Variants in KLRD1 observed in about 807,000 individuals in gnomAD.
KLRD1 encodes the protein killer cell lectin like receptor D1.
A neutral mutation model predicts 22.6 loss-of-function variants in KLRD1; 21 were observed. The observed-to-expected ratio is 0.93, with a 90% confidence interval of 0.66 to 1.34. The LOEUF (loss-of-function observed/expected upper bound fraction) is 1.34. Among genes scored for constraint, KLRD1 ranks in the 40% most tolerant of loss-of-function variants. The pLI, the probability that KLRD1 is intolerant of heterozygous loss-of-function variation, is 0.00. For missense variants in KLRD1, 183 were observed against 208.6 expected, an observed-to-expected ratio of 0.88 and a Z score of 0.76; for synonymous variants, 59 against 71.1, an observed-to-expected ratio of 0.83 and a Z score of 0.85.
At chr12:10,280,136 A>G (rs867029257) in intron 1 of KLRD1, among the ~76,000 whole-genome samples, 2 of 152,236 alleles carry the variant, frequency 1.3e-5, no homozygotes, top group African/African-American at 2.4e-5. Flanking sequence ...TTCCAGGGCT[A>G]GCAACACTGT....
chr12:10,243,564 AG>A (rs1949260380), intron 1 of KLRD1, among the ~76,000 whole-genome samples: 1 of 130,516 alleles, frequency 7.7e-6, no homozygotes, highest in Admixed American at 9.8e-5. Flanking sequence ...CAGTGAGCCA[AG>A]GTCACGCCAC....
At chr12:10,240,299 G>A (rs879703209) in intron 1 of KLRD1, among the ~76,000 whole-genome samples, 22 of 152,014 alleles carry the variant, frequency 1.4e-4, no homozygotes, top group African/African-American at 3.4e-4. Context: ...GAGCTCAAGC[G>A]ATCTGCCCGC....
intron 1 of KLRD1, among the ~76,000 whole-genome samples, chr12:10,287,937 G>T (rs1198903142): frequency 6.6e-6 from 1 of 151,914 alleles, no homozygotes; most frequent in Non-Finnish European, 1.5e-5. Context: ...GCGTGGTGGC[G>T]GGCGCCTGTA....
intron 1 of KLRD1, among the ~76,000 whole-genome samples, chr12:10,244,805 A>C (rs199586802): frequency 6.6e-6 from 1 of 151,636 alleles, no homozygotes; most frequent in Non-Finnish European, 1.5e-5. Context: ...AAACAAACAA[A>C]AAAAAAACCA....
intron 3 of KLRD1, 31 bp downstream of exon 3, chr12:10,309,719 T>A: frequency 6.8e-7 from 1 of 1,462,020 alleles, no homozygotes; most frequent in Non-Finnish European, 9.6e-7. Context: ...AACTTAGCAT[T>A]GGTAAAAGAT....
At position 10,277,934 on chromosome 12, in the gene KLRD1, A is replaced by G. The variant is rs183630198; in HGVS notation, c.-100-30044A>G. 2.2e-3 allele frequency among the ~76,000 whole-genome samples: 338 copies of G among 152,282 alleles called. 2 individuals are homozygous for G. The highest frequency in any genetic ancestry group is 7.8e-3 in the African/African-American group (325 of 41,542). ...GATTCCTTTCAGGTTAAATTTTGTG[A>G]AAGGTTTAAAGTCTGTGCACTATTT... On this transcript the variant is annotated intron_variant, in intron 1 of 5. Transcript: ENST00000544747.
At chr12:10,302,077 C>T (rs981803364), upstream of KLRD1, among the ~76,000 whole-genome samples, 4 of 152,090 alleles carry the variant, frequency 2.6e-5, no homozygotes, top group Admixed American at 1.3e-4. Context: ...AGGCACTGAT[C>T]ACAGATTGCC....
At chr12:10,259,181 C>CA (rs1210303763) in intron 1 of KLRD1, among the ~76,000 whole-genome samples, 9 of 152,204 alleles carry the variant, frequency 5.9e-5, no homozygotes, top group Non-Finnish European at 8.8e-5. Context: ...AGAATGCCCA[C>CA]AGCCTTCAGT....
intron 3 of KLRD1, among the ~76,000 whole-genome samples, 183 bp from the exon 4 acceptor site, chr12:10,311,281 A>G (rs1330311779): frequency 6.6e-6 from 1 of 152,238 alleles, no homozygotes; most frequent in Non-Finnish European, 1.5e-5. Flanking sequence ...TATAATCTCC[A>G]TGAGGAAAAA....
chr12:10,250,962 A>G (rs1949340914), intron 1 of KLRD1, among the ~76,000 whole-genome samples: 1 of 152,126 alleles, frequency 6.6e-6, no homozygotes, highest in African/African-American at 2.4e-5. Flanking sequence ...TTCATTTACC[A>G]TCATTATCAA....
chr12:10,306,638 T>C (rs1422409264), upstream of KLRD1, among the ~76,000 whole-genome samples: 3 of 152,148 alleles, frequency 2.0e-5, no homozygotes, highest in Non-Finnish European at 4.4e-5. Context: ...ACACTAAAAA[T>C]GAATAGATTT....
intron 1 of KLRD1, among the ~76,000 whole-genome samples, chr12:10,240,261 A>G (rs1273512242): frequency 1.3e-5 from 2 of 151,816 alleles, no homozygotes; most frequent in East Asian, 1.9e-4. Flanking sequence ...GGGTTTTGCC[A>G]TGTTGCCCAG....
At chr12:10,282,082 A>G (rs542441606) in intron 1 of KLRD1, among the ~76,000 whole-genome samples, 8 of 151,034 alleles carry the variant, frequency 5.3e-5, no homozygotes, top group Non-Finnish European at 7.4e-5. Flanking sequence ...GAATTTGAGA[A>G]TAAAGTACTC....
intron 1 of KLRD1, among the ~76,000 whole-genome samples, chr12:10,284,167 CAA>C (rs964526278): frequency 3.3e-5 from 5 of 151,974 alleles, no homozygotes; most frequent in African/African-American, 1.2e-4. Flanking sequence ...GCCTGGGTGA[CAA>C]GAGTAAAACT....
In KLRD1 at chr12:10,324,802, GTA is replaced by G. The variant is rs1242324764; in HGVS notation, c.*10013_*10014del. 5.6e-5 allele frequency: 3 copies of G among 53,692 alleles called. No individual in the cohort carries two copies. In the East Asian group the frequency reaches 1.7e-3, roughly 30 times the overall value. 3.3% of individuals were successfully genotyped at this position (53,692 alleles called of 1,614,324 possible). ...TTATTTTAAAATTGTAAGTATATAT[GTA>G]TATGTGTGTGTGTGTATATATATAT... On this transcript the variant is annotated 3_prime_UTR_variant, in exon 6 of 6. Coordinates refer to ENST00000336164, the MANE Select transcript of KLRD1 (RefSeq NM_002262.5).
At chr12:10,248,477 A>G (rs569362497) in intron 1 of KLRD1, among the ~76,000 whole-genome samples, 3 of 151,400 alleles carry the variant, frequency 2.0e-5, no homozygotes, top group Non-Finnish European at 4.4e-5. Flanking sequence ...TTAATATTTT[A>G]TTTTTATGTT....
intron 1 of KLRD1, among the ~76,000 whole-genome samples, chr12:10,290,845 A>G (rs1271865592): frequency 6.6e-6 from 1 of 152,226 alleles, no homozygotes; most frequent in African/African-American, 2.4e-5. Context: ...ATATATATAC[A>G]CAAATACACA....
In KLRD1 at chr12:10,313,480, T is replaced by A; in HGVS notation, c.386T>A (p.Leu129Ter). Reference sequence around the variant, plus strand: ...TACAGTGAGGAGCACACCGCCTGGTTGTGGGAGAATGGCTCTGCACTCTCC... The same window carrying A: ...TACAGTGAGGAGCACACCGCCTGGTAGTGGGAGAATGGCTCTGCACTCTCC... ...LSYSEEHTAW[L>*]WENGSALSQY... Residue 129 changes from leucine (L) to a stop codon, truncating the protein, a stop_gained, in exon 5 of 6, where the codon TTG becomes TAG. Transcript: ENST00000336164. LOFTEE classifies it low-confidence loss of function (END_TRUNC). The A allele has an allele frequency of 6.2e-7, 1 of 1,608,666 alleles. No homozygotes were observed. The highest frequency in any genetic ancestry group is 8.5e-7 in the Non-Finnish European group (1 of 1,177,006).
intron 1 of KLRD1, among the ~76,000 whole-genome samples, chr12:10,260,971 A>AAG (rs1381897624): frequency 2.2e-5 from 1 of 45,192 alleles, no homozygotes; most frequent in Non-Finnish European, 2.3e-4. Context: ...AAACCAAAAA[A>AAG]AAAAAATTTT....
Sources: gnomAD v4.1 joint callset for allele counts (sites outside exome capture counted in the v4.1 genomes callset) on GRCh38, gnomAD v4.1.1 for gene constraint, MANE v1.5 for transcripts, NCBI Gene and HGNC (gene_info 2026-07-23, HGNC 2026-07-21) for gene names.